Variants in NCOA1 observed in about 807,000 individuals in gnomAD.
The protein encoded by NCOA1 is nuclear receptor coactivator 1.
In NCOA1, 35 loss-of-function variants were observed where a neutral mutation model predicts 150.9. The observed-to-expected ratio is 0.23, with a 90% CI of 0.18 to 0.31. The LOEUF is 0.31. NCOA1 is among the 10% of genes least tolerant of loss of function. NCOA1 has a pLI of 1.00. For synonymous variants in NCOA1, 590 were observed against 630.0 expected (o/e 0.94, Z 0.95); for missense variants, 1,491 against 1,749.3 (o/e 0.85, Z 2.63).
At chr2:24,756,237 A>G (rs1664495214) in intron 20 of NCOA1, among the ~76,000 whole-genome samples, 1 of 152,168 alleles carries the variant, frequency 6.6e-6, no homozygotes, top group South Asian at 2.1e-4. Flanking sequence ...CTGGGCAACA[A>G]GAGTAAAACT....
intron 14 of NCOA1, among the ~76,000 whole-genome samples, chr2:24,724,211 G>A (rs1262126775): frequency 2.6e-5 from 4 of 152,190 alleles, no homozygotes; most frequent in South Asian, 4.2e-4. Flanking sequence ...GCTTGATCGG[G>A]GGATCCCTAG....
intron 4 of NCOA1, 61 bp from the exon 5 acceptor site, chr2:24,658,600 A>T: frequency 7.9e-7 from 1 of 1,268,452 alleles, no homozygotes; most frequent in Non-Finnish European, 1.1e-6. Context: ...GAGCTTCCCT[A>T]CCTTTATTTG....
At chr2:24,507,668 G>A (rs1033805504) in intron 1 of NCOA1, among the ~76,000 whole-genome samples, 9 of 151,472 alleles carry the variant, frequency 5.9e-5, no homozygotes, top group Non-Finnish European at 1.3e-4. Flanking sequence ...TCCACGTCTC[G>A]GTACCAGGAA....
intron 3 of NCOA1, among the ~76,000 whole-genome samples, chr2:24,598,433 A>G (rs1432386776): frequency 6.6e-6 from 1 of 152,238 alleles, no homozygotes; most frequent in Admixed American, 6.5e-5. Flanking sequence ...ATGAACAATT[A>G]TTACATAACA....
intron 1 of NCOA1, among the ~76,000 whole-genome samples, chr2:24,539,010 A>G (rs1665279462): frequency 6.6e-6 from 1 of 152,252 alleles, no homozygotes; most frequent in Non-Finnish European, 1.5e-5. Flanking sequence ...TGTCCCCCTA[A>G]TAAAATACTG....
chr2:24,556,355 C>T (rs918292597), intron 1 of NCOA1, among the ~76,000 whole-genome samples: 1 of 152,204 alleles, frequency 6.6e-6, no homozygotes, highest in Admixed American at 6.5e-5. Context: ...GCATAGTATT[C>T]CATGGTGTAT....
chr2:24,589,233 G>A lies in NCOA1; in HGVS notation c.-175+4673G>A, dbSNP rs142712394. On this transcript the variant is annotated intron_variant, in intron 3 of 22. Transcript: ENST00000348332. ...CCACCGAGGTACTACCAGAACTATC[G>A]TTTGAGGTACTACCAGAACTGTCTG... Among the ~76,000 whole-genome samples, 57 of 152,120 alleles carry A rather than the reference G, an allele frequency of 3.7e-4. 1 individual carries two copies. The highest frequency in any genetic ancestry group is 6.6e-4 in the Non-Finnish European group (45 of 67,996).
chr2:24,651,159 A>G (rs1013253380), intron 4 of NCOA1, among the ~76,000 whole-genome samples: 9 of 152,092 alleles, frequency 5.9e-5, no homozygotes, highest in African/African-American at 1.7e-4. Context: ...GGAAATTAAC[A>G]TATGACTCAG....
chr2:24,609,612 C>T (rs1205686014), intron 3 of NCOA1, among the ~76,000 whole-genome samples: 1 of 152,266 alleles, frequency 6.6e-6, no homozygotes, highest in Non-Finnish European at 1.5e-5. Context: ...GCCTGGGTAA[C>T]ATAGCGAGAC....
chr2:24,711,126 C>G lies in NCOA1; in HGVS notation c.2599+15C>G, dbSNP rs569569912. 1.6e-5 allele frequency: 26 copies of G among 1,598,026 alleles called. 1 individual carries two copies. The South Asian group carries it at 2.9e-4, about 18-fold the overall frequency. ...CAGGCTAAATAGTATGTTCTGGGGA[C>G]AACACCTCATTTTAAACGTTTAGTG... On this transcript the variant is annotated intron_variant, in intron 14 of 22. Transcript: ENST00000348332.
chr2:24,607,034 A>C (rs191961021), intron 3 of NCOA1, among the ~76,000 whole-genome samples: 1 of 152,224 alleles, frequency 6.6e-6, no homozygotes, highest in African/African-American at 2.4e-5. Context: ...ACTACCATAA[A>C]CTCAGATTTA....
intron 9 of NCOA1, 83 bp from the exon 10 acceptor site, chr2:24,693,169 T>A (rs1672748804): frequency 2.9e-6 from 4 of 1,368,052 alleles, no homozygotes; most frequent in Admixed American, 3.4e-5. Context: ...GTATTGTTTT[T>A]ATGAAAACCA....
intron 1 of NCOA1, among the ~76,000 whole-genome samples, chr2:24,542,837 T>A (rs1424133525): frequency 6.6e-6 from 1 of 152,250 alleles, no homozygotes; most frequent in Non-Finnish European, 1.5e-5. Context: ...TAGAATAATA[T>A]AATTAGTAAA....
At chr2:24,619,464 TAACG>T (rs1669021231) in intron 3 of NCOA1, among the ~76,000 whole-genome samples, 1 of 152,342 alleles carries the variant, frequency 6.6e-6, no homozygotes, top group South Asian at 2.1e-4. Flanking sequence ...CTTATCTGAC[TAACG>T]AACTACTTCT....
At chr2:24,558,815 G>T (rs192125518) in intron 1 of NCOA1, among the ~76,000 whole-genome samples, 1 of 152,158 alleles carries the variant, frequency 6.6e-6, no homozygotes, top group Non-Finnish European at 1.5e-5. Context: ...TGGATCTTGC[G>T]ATGAGGTGAT....
At chr2:24,526,190 T>C (rs1392657457) in intron 1 of NCOA1, among the ~76,000 whole-genome samples, 1 of 152,166 alleles carries the variant, frequency 6.6e-6, no homozygotes, top group African/African-American at 2.4e-5. Context: ...ATGGGTAAGA[T>C]GTGGTTCTAG....
intron 5 of NCOA1, among the ~76,000 whole-genome samples, chr2:24,663,823 C>T (rs1313027002): frequency 6.6e-6 from 1 of 152,188 alleles, no homozygotes; most frequent in Non-Finnish European, 1.5e-5. Context: ...CTTGCTTTCT[C>T]TATCCCCTCT....
intron 3 of NCOA1, among the ~76,000 whole-genome samples, chr2:24,618,029 T>C (rs893259283): frequency 1.3e-5 from 2 of 152,162 alleles, no homozygotes; most frequent in Non-Finnish European, 2.9e-5. Flanking sequence ...TAAAACTATA[T>C]AGAGATATTT....
At chr2:24,577,465 G>A (rs183027718) in intron 2 of NCOA1, among the ~76,000 whole-genome samples, 11 of 152,168 alleles carry the variant, frequency 7.2e-5, no homozygotes, top group Admixed American at 2.0e-4. Context: ...GAGTGTAATC[G>A]TCTTCCAAAT....
Sources: gnomAD v4.1 joint callset for allele counts (sites outside exome capture counted in the v4.1 genomes callset) on GRCh38, gnomAD v4.1.1 for gene constraint, MANE v1.5 for transcripts, NCBI Gene and HGNC (gene_info 2026-07-23, HGNC 2026-07-21) for gene names.